Variants in KHDRBS2 observed in about 807,000 individuals in gnomAD.
The protein encoded by KHDRBS2 is KH RNA binding domain containing, signal transduction associated 2.
A neutral mutation model predicts 44.3 loss-of-function variants in KHDRBS2; 26 were observed. That is an observed-to-expected ratio of 0.59 (90% confidence interval 0.43 to 0.81). KHDRBS2 has a LOEUF of 0.81. Among genes scored for constraint, KHDRBS2 ranks in the 40% least tolerant of loss-of-function variants. KHDRBS2 has a pLI of 0.00. For synonymous variants in KHDRBS2, 194 were observed against 151.1 expected, an observed-to-expected ratio of 1.28 and a Z score of -2.08; for missense variants, 476 against 433.1, an observed-to-expected ratio of 1.10 and a Z score of -0.88.
At chr6:62,128,669 A>ATTTTTTTTTT (rs35370798) in intron 2 of KHDRBS2, among the ~76,000 whole-genome samples, 1 of 150,570 alleles carries the variant, frequency 6.6e-6, no homozygotes, top group African/African-American at 2.4e-5. Context: ...AACTGCTTTA[A>ATTTTTTTTTT]TTTTTTTTTG....
intron 4 of KHDRBS2, among the ~76,000 whole-genome samples, chr6:61,969,609 T>A (rs1464042527): frequency 6.6e-6 from 1 of 152,012 alleles, no homozygotes; most frequent in Non-Finnish European, 1.5e-5. Flanking sequence ...GCTTATAAAG[T>A]GTCTTTCTAA....
intron 2 of KHDRBS2, among the ~76,000 whole-genome samples, chr6:62,074,957 T>C (rs1796037875): frequency 6.6e-6 from 1 of 151,990 alleles, no homozygotes; most frequent in Non-Finnish European, 1.5e-5. Flanking sequence ...AGTTTTCTGA[T>C]ACTTTTAAAA....
chr6:61,557,808 G>T, the KHDRBS2 span, among the ~76,000 whole-genome samples: 1 of 152,046 alleles, frequency 6.6e-6, no homozygotes, highest in South Asian at 2.1e-4. Context: ...TTACAACTTT[G>T]ATCTCTTTAC....
At chr6:62,246,471 G>T (rs1835593442) in intron 1 of KHDRBS2, among the ~76,000 whole-genome samples, 1 of 151,970 alleles carries the variant, frequency 6.6e-6, no homozygotes, top group Non-Finnish European at 1.5e-5. Context: ...TAGACAGGGA[G>T]GCTATATAAC....
intron 1 of KHDRBS2, among the ~76,000 whole-genome samples, chr6:62,216,590 A>G (rs1443400658): frequency 1.3e-5 from 2 of 151,752 alleles, no homozygotes; most frequent in South Asian, 2.1e-4. Flanking sequence ...AGTCTTTATA[A>G]TGATGCACTG....
At chr6:61,843,273 T>C (rs1793867591) in intron 6 of KHDRBS2, among the ~76,000 whole-genome samples, 1 of 151,608 alleles carries the variant, frequency 6.6e-6, no homozygotes, top group Non-Finnish European at 1.5e-5. Context: ...TGCACAACTT[T>C]GTGAATATAT....
At chr6:61,601,876 C>T in the KHDRBS2 span, among the ~76,000 whole-genome samples, 6 of 152,284 alleles carry the variant, frequency 3.9e-5, no homozygotes, top group African/African-American at 9.6e-5. Flanking sequence ...CCCACCCACA[C>T]CTGCCCAGAA....
chr6:61,977,288 G>A (rs1192429), intron 4 of KHDRBS2, among the ~76,000 whole-genome samples: 104,182 of 151,950 alleles, frequency 0.69, 36,333 homozygotes, highest in African/African-American at 0.83. Context: ...TCTTCTAATT[G>A]TCTTATTCCC....
intron 1 of KHDRBS2, among the ~76,000 whole-genome samples, chr6:62,269,300 T>A (rs1173782143): frequency 6.6e-6 from 1 of 152,018 alleles, no homozygotes; most frequent in Admixed American, 6.6e-5. Flanking sequence ...TATTAAAAGC[T>A]GAGCCACATA....
intron 6 of KHDRBS2, among the ~76,000 whole-genome samples, chr6:61,812,184 C>T (rs1228960191): frequency 6.6e-6 from 1 of 151,908 alleles, no homozygotes; most frequent in Non-Finnish European, 1.5e-5. Context: ...CACCATCCTT[C>T]TCTTATCTAC....
At chr6:62,118,291 A>C (rs1421753371) in intron 2 of KHDRBS2, among the ~76,000 whole-genome samples, 1 of 152,146 alleles carries the variant, frequency 6.6e-6, no homozygotes, top group Non-Finnish European at 1.5e-5. Flanking sequence ...TGTTTTAGTT[A>C]CTATAAGTTT....
At chr6:61,588,844 A>G in the KHDRBS2 span, among the ~76,000 whole-genome samples, 2 of 152,168 alleles carry the variant, frequency 1.3e-5, no homozygotes, top group Non-Finnish European at 2.9e-5. Context: ...AGACTCGATA[A>G]AGAAAATGTG....
At chr6:61,848,492 T>TAC (rs1491187000) in intron 6 of KHDRBS2, among the ~76,000 whole-genome samples, 6 of 30,144 alleles carry the variant, frequency 2.0e-4, no homozygotes, top group Non-Finnish European at 3.0e-4. Context: ...TATATATATG[T>TAC]ATATATATAT....
chr6:62,039,672 A>C (rs1786052767), intron 3 of KHDRBS2, among the ~76,000 whole-genome samples: 1 of 152,222 alleles, frequency 6.6e-6, no homozygotes, highest in African/African-American at 2.4e-5. Flanking sequence ...CTCAGTTAAT[A>C]GTCTCCCCAC....
chr6:62,219,388 T>C (rs899340951), intron 1 of KHDRBS2, among the ~76,000 whole-genome samples: 7 of 151,788 alleles, frequency 4.6e-5, no homozygotes, highest in Admixed American at 3.3e-4. Flanking sequence ...AAATAATAGC[T>C]TAGAGTTTCC....
At chr6:62,144,371 G>A (rs1370944335) in intron 2 of KHDRBS2, among the ~76,000 whole-genome samples, 2 of 151,912 alleles carry the variant, frequency 1.3e-5, no homozygotes, top group Non-Finnish European at 2.9e-5. Context: ...CTGTAAACTT[G>A]ACTAATATAG....
chr6:61,634,212 C>G, the KHDRBS2 span, among the ~76,000 whole-genome samples: 1 of 151,440 alleles, frequency 6.6e-6, no homozygotes, highest in South Asian at 2.1e-4. Flanking sequence ...GTGGCCGGGT[C>G]AGACAGATCA....
intron 3 of KHDRBS2, among the ~76,000 whole-genome samples, chr6:62,047,120 C>G (rs1003336938): frequency 6.6e-6 from 1 of 151,948 alleles, no homozygotes; most frequent in Non-Finnish European, 1.5e-5. Context: ...TCCATAATAA[C>G]ATTACCAAGT....
chr6:61,612,326 G>T, the KHDRBS2 span, among the ~76,000 whole-genome samples: 5 of 152,254 alleles, frequency 3.3e-5, no homozygotes, highest in African/African-American at 1.2e-4. Flanking sequence ...TAAAACTGTG[G>T]TTGAAAGAAG....
Sources: gnomAD v4.1 joint callset for allele counts (sites outside exome capture counted in the v4.1 genomes callset) on GRCh38, gnomAD v4.1.1 for gene constraint, MANE v1.5 for transcripts, NCBI Gene and HGNC (gene_info 2026-07-23, HGNC 2026-07-21) for gene names.